Variants in THOC2 observed in about 807,000 individuals in gnomAD.
The protein encoded by THOC2 is THO complex 2.
Under a neutral mutation model 128.4 loss-of-function variants are expected in THOC2, and 10 were observed. The ratio of observed to expected loss-of-function variants is 0.08; its 90% CI spans 0.05 to 0.13. THOC2 has a LOEUF of 0.13. Among genes scored for constraint, THOC2 ranks in the 10% least tolerant of loss-of-function variants. The pLI, the probability that THOC2 is intolerant of heterozygous loss-of-function variation, is 1.00. For missense variants in THOC2, 535 were observed against 1,155.7 expected (o/e 0.46, Z 7.79); for synonymous variants, 393 against 396.9 (o/e 0.99, Z 0.12).
At chrX:123,731,547 C>T (rs1044564883) in intron 1 of THOC2, among the ~76,000 whole-genome samples, 18 of 112,005 alleles carry the variant, frequency 1.6e-4, no homozygotes, top group Admixed American at 5.7e-4. Flanking sequence ...TTACTATAAG[C>T]CAAGTGCTTT....
chrX:123,620,367 A>G (rs2047039054), intron 32 of THOC2: 1 of 112,114 alleles, frequency 8.9e-6, no homozygotes, highest in African/African-American at 3.3e-5. Context: ...CAGAAGCTGC[A>G]TGCTCACTGA....
At chrX:123,705,269 C>T (rs941709842) in intron 3 of THOC2, among the ~76,000 whole-genome samples, 1 of 111,813 alleles carries the variant, frequency 8.9e-6, no homozygotes, top group Non-Finnish European at 1.9e-5. Flanking sequence ...ATAAAATTCA[C>T]TTGAACTATC....
At chrX:123,674,726 G>A (rs2049416026) in intron 8 of THOC2, among the ~76,000 whole-genome samples, 1 of 110,539 alleles carries the variant, frequency 9.0e-6, no homozygotes, top group African/African-American at 3.3e-5. Context: ...TTTTCTTAGT[G>A]GTTCCTTTGG....
intron 2 of THOC2, among the ~76,000 whole-genome samples, chrX:123,707,300 T>C (rs1340940265): frequency 9.0e-6 from 1 of 111,580 alleles, no homozygotes; most frequent in Non-Finnish European, 1.9e-5. Context: ...CAAGTCTCTA[T>C]AATTATATTC....
chrX:123,730,191 T>G (rs1265955370), intron 1 of THOC2, among the ~76,000 whole-genome samples: 2 of 110,725 alleles, frequency 1.8e-5, no homozygotes, highest in African/African-American at 3.3e-5. Context: ...TGTTTTTTTT[T>G]TTTTTTTAAA....
chrX:123,713,415 C>T (rs1340199207), intron 1 of THOC2, among the ~76,000 whole-genome samples: 1 of 103,992 alleles, frequency 9.6e-6, no homozygotes, highest in African/African-American at 3.6e-5. Context: ...GCAGAGGTTG[C>T]AGTGAGCCAA....
At chrX:123,655,776 T>C (rs1349499766) in intron 12 of THOC2, among the ~76,000 whole-genome samples, 1 of 111,685 alleles carries the variant, frequency 9.0e-6, no homozygotes, top group East Asian at 2.8e-4. Flanking sequence ...TTTAGAGCAC[T>C]TTGGCTTTTA....
chrX:123,712,814 A>G (rs747323370), intron 2 of THOC2, 36 bp downstream of exon 2: 1 of 957,425 alleles, frequency 1.0e-6, no homozygotes, highest in South Asian at 2.3e-5. Context: ...ACTAATTTTA[A>G]TCAAGAAATA....
At chrX:123,633,109 G>T in intron 20 of THOC2, 69 bp from the exon 21 acceptor site, 1 of 808,162 alleles carries the variant, frequency 1.2e-6, no homozygotes, top group South Asian at 4.3e-5. Flanking sequence ...AAAAGACACA[G>T]AAAAAAGTTG....
At chrX:123,615,974 T>C (rs1308515539) in intron 33 of THOC2, among the ~76,000 whole-genome samples, 1 of 111,159 alleles carries the variant, frequency 9.0e-6, no homozygotes, top group Non-Finnish European at 1.9e-5. Flanking sequence ...CTCCACCATC[T>C]TTTCACAATT....
intron 12 of THOC2, among the ~76,000 whole-genome samples, chrX:123,661,429 C>T (rs997401236): frequency 9.2e-6 from 1 of 108,908 alleles, no homozygotes; most frequent in Non-Finnish European, 1.9e-5. Context: ...ACAAAACAAA[C>T]AAAAAAACCC....
intron 1 of THOC2, among the ~76,000 whole-genome samples, chrX:123,716,728 C>CA (rs777748213): frequency 0.015 from 514 of 34,163 alleles, 7 homozygotes; most frequent in African/African-American, 0.033. Context: ...GACTCTGTCT[C>CA]AAAAAAAAAA....
At chrX:123,631,072 C>G (rs7064260) in intron 22 of THOC2, among the ~76,000 whole-genome samples, 39,679 of 111,220 alleles carry the variant, frequency 0.36, 5,426 homozygotes, top group South Asian at 0.57. Flanking sequence ...GTTCAGCCAA[C>G]CACAGACAAC....
chrX:123,632,799 C>T (rs964066253), intron 21 of THOC2, 62 bp downstream of exon 21: 4 of 949,184 alleles, frequency 4.2e-6, no homozygotes, highest in Non-Finnish European at 5.9e-6. Context: ...AATTATAACA[C>T]ATTATCCTCC....
chrX:123,653,036 C>T (rs1206411338), intron 12 of THOC2, among the ~76,000 whole-genome samples: 1 of 111,963 alleles, frequency 8.9e-6, no homozygotes, highest in African/African-American at 3.3e-5. Flanking sequence ...TACAAGGCTA[C>T]AGTAACCAAA....
chrX:123,712,876 T>C lies in THOC2; in HGVS notation c.104A>G (p.Lys35Arg). ...LHLCRILSEN[K>R]SHDSSTYRDF... ...TCTGTATGTTGAACTATCATGGCTTTTATTTTCACTGAGGATCCGACATAA... is the reference window on the plus strand; with the variant it reads ...TCTGTATGTTGAACTATCATGGCTTCTATTTTCACTGAGGATCCGACATAA... Residue 35 changes from lysine to arginine, a missense_variant, in exon 2 of 39, where the codon AAA (lysine) becomes AGA (arginine). By Grantham distance (26) the Lys-to-Arg change is conservative. Coordinates refer to ENST00000245838, the MANE Select transcript of THOC2 (RefSeq NM_001081550.2). 8.5e-7 allele frequency: 1 copy of C among 1,173,891 alleles called. No homozygotes were observed. The highest frequency in any genetic ancestry group is 3.0e-5 in the East Asian group (1 of 33,240).
chrX:123,661,096 G>A (rs769144005), intron 12 of THOC2, among the ~76,000 whole-genome samples: 3 of 112,630 alleles, frequency 2.7e-5, no homozygotes, highest in African/African-American at 6.4e-5. Flanking sequence ...GTTCTCACTC[G>A]TGTGAAAGCT....
chrX:123,681,636 A>C (rs940128459), intron 8 of THOC2, among the ~76,000 whole-genome samples: 8 of 112,232 alleles, frequency 7.1e-5, no homozygotes, highest in African/African-American at 2.6e-4. Context: ...CCATTAAAAA[A>C]TGGAGAAGGT....
intron 16 of THOC2, among the ~76,000 whole-genome samples, chrX:123,639,447 A>G (rs993097828): frequency 8.9e-6 from 1 of 111,921 alleles, no homozygotes; most frequent in Admixed American, 9.5e-5. Flanking sequence ...TTATAGTTCT[A>G]GTAGAAATCT....
Sources: allele counts gnomAD v4.1 joint callset (sites outside exome capture counted in the v4.1 genomes callset), GRCh38; gene constraint gnomAD v4.1.1; transcripts MANE v1.5; gene names NCBI Gene and HGNC (gene_info 2026-07-23, HGNC 2026-07-21).